The following TEX15 variants were observed in gnomAD, a reference collection of about 807,000 sequenced individuals.
The protein encoded by TEX15 is testis-expressed protein 15.
A neutral mutation model predicts 237.3 loss-of-function variants in TEX15; 171 were observed. That is an observed-to-expected ratio of 0.72 (90% CI 0.64 to 0.82). The LOEUF (loss-of-function observed/expected upper bound fraction) is 0.82. Ranked by LOEUF, TEX15 falls within the 40% of genes least tolerant of loss-of-function variation. The pLI, the probability that TEX15 is intolerant of heterozygous loss-of-function variation, is 0.00. For missense variants in TEX15, 3,750 were observed against 3,646.5 expected, an observed-to-expected ratio of 1.03 and a Z score of -0.73; for synonymous variants, 1,338 against 1,269.8, an observed-to-expected ratio of 1.05 and a Z score of -1.14.
In TEX15 at chr8:30,837,298, G is replaced by T. The variant is rs1277623893; in HGVS notation, c.8986C>A (p.Leu2996Ile). The change falls in exon 10 of 11, where the codon CTT becomes ATT. Residue 2996 changes from leucine to isoleucine, a missense_variant. Coordinates refer to ENST00000643185, the MANE Select transcript of TEX15 (RefSeq NM_001350162.2). ...TTTTTGTCATTCTGTTGTTCAGAAA[G>T]AGAGTACTCTGCTCCTTGATTCACA... ...LNVNQGAEYSLSEQQNDKNSK... is the reference protein window; with the variant it reads ...LNVNQGAEYSISEQQNDKNSK... 1.2e-6 allele frequency: 2 copies of T among 1,614,194 alleles called. No homozygotes were observed. Among genetic ancestry groups the T allele is most frequent in the Admixed American group, 1.7e-5 (1 of 60,012 alleles).
Position 30,832,373 on chromosome 8 carries a change from A to G in TEX15, c.*913T>C, listed in dbSNP as rs1807201928. 1 of 152,236 alleles carries G rather than the reference A, an allele frequency of 6.6e-6. No individual in the cohort carries two copies. Among genetic ancestry groups the G allele is most frequent in the Admixed American group, 6.5e-5 (1 of 15,274 alleles). The allele number at this position is 152,236 out of a possible 1,614,324, so 9.4% of individuals were successfully genotyped here. A position where few individuals can be genotyped will look rare whatever the true frequency, so the allele number is the denominator to read the frequency against. On this transcript the variant is annotated 3_prime_UTR_variant, in exon 11 of 11. Transcript: ENST00000643185. ...GGGCTCTGTCTGACTAGGATCTTAC[A>G]GAAAACAGGAATAGCTGTTGAGCAA...
At chr8:30,904,916 C>A (rs1809069774) in intron 1 of TEX15, among the ~76,000 whole-genome samples, 1 of 152,034 alleles carries the variant, frequency 6.6e-6, no homozygotes, top group Admixed American at 6.6e-5. Context: ...GAGTTATGCC[C>A]AGAAAAACAC....
At chr8:30,879,026 C>A (rs1406188939) in intron 3 of TEX15, among the ~76,000 whole-genome samples, 2 of 152,082 alleles carry the variant, frequency 1.3e-5, no homozygotes, top group African/African-American at 4.8e-5. Flanking sequence ...TCCTTAATGG[C>A]TATGATGTTG....
At chr8:30,841,687 T>A (rs323342) in intron 8 of TEX15, among the ~76,000 whole-genome samples, 70,226 of 152,026 alleles carry the variant, frequency 0.46, 21,238 homozygotes, top group African/African-American at 0.87. Flanking sequence ...AATATTGGTC[T>A]CTCACTCAGT....
intron 1 of TEX15, among the ~76,000 whole-genome samples, chr8:30,900,734 C>A (rs1808990719): frequency 6.6e-6 from 1 of 152,170 alleles, no homozygotes; most frequent in Non-Finnish European, 1.5e-5. Flanking sequence ...CATACAAAAT[C>A]CCTGCAATAG....
chr8:30,906,018 A>G (rs1809096523), intron 1 of TEX15, among the ~76,000 whole-genome samples: 1 of 151,346 alleles, frequency 6.6e-6, no homozygotes, highest in Admixed American at 6.5e-5. Flanking sequence ...CATACGTAAA[A>G]TGGGAAAAAA....
chr8:30,901,831 T>C (rs972209420), intron 1 of TEX15, among the ~76,000 whole-genome samples: 6 of 152,312 alleles, frequency 3.9e-5, no homozygotes, highest in Middle Eastern at 3.4e-3. Flanking sequence ...TGGAAAGGCA[T>C]AGAGCTAGAA....
chr8:30,854,096 C>T lies in TEX15; in HGVS notation c.850+4572G>A, dbSNP rs139186258. Among the ~76,000 whole-genome samples, 24 of 151,544 alleles carry T rather than the reference C, an allele frequency of 1.6e-4. No individual in the cohort carries two copies. In the East Asian group the frequency reaches 4.6e-3, roughly 29 times the overall value. ...AACCTTCCATCTTAAGACACACACA[C>T]ACGTGAAACAGCAAACTAAATCTAA... is the stretch of plus-strand genomic sequence containing the variant. On this transcript the variant is annotated intron_variant, in intron 7 of 10. Transcript: ENST00000643185.
intron 5 of TEX15, among the ~76,000 whole-genome samples, chr8:30,865,773 T>G (rs1422224644): frequency 6.6e-6 from 1 of 152,128 alleles, no homozygotes; most frequent in Admixed American, 6.5e-5. Context: ...CTCAACAAAT[T>G]GGGTACAGAA....
intron 1 of TEX15, among the ~76,000 whole-genome samples, chr8:30,899,060 C>T (rs1465779293): frequency 2.0e-5 from 3 of 152,004 alleles, no homozygotes; most frequent in Non-Finnish European, 2.9e-5. Flanking sequence ...AAGCTTTTCT[C>T]TTTTTCTTCC....
intron 5 of TEX15, 22 bp downstream of exon 5, chr8:30,867,243 A>C (rs535439299): frequency 8.5e-7 from 1 of 1,172,650 alleles, no homozygotes; most frequent in East Asian, 2.6e-5. Context: ...CATATACTTA[A>C]TATTTGTTTT....
At chr8:30,835,500 G>A (rs2720597) in intron 10 of TEX15, among the ~76,000 whole-genome samples, 97,759 of 152,114 alleles carry the variant, frequency 0.64, 36,587 homozygotes, top group East Asian at 0.9. Context: ...CTTGAGCCCA[G>A]GAGTTTGAGG....
Position 30,898,758 on chromosome 8 carries a change from C to T in TEX15, c.-26G>A, listed in dbSNP as rs1808954073. On this transcript the variant is annotated 5_prime_UTR_variant, in exon 2 of 11. Coordinates refer to ENST00000643185, the MANE Select transcript of TEX15 (RefSeq NM_001350162.2). The stretch of plus-strand genomic sequence containing the variant: ...AATACTTACCACTCTTCAATGGCAT[C>T]CAGCATTACACAGTTATAATCAGTA... The T allele has an allele frequency of 1.3e-5, 2 of 152,078 alleles. No homozygotes were observed. The allele number at this position is 152,078 out of a possible 1,614,324, so 9.4% of individuals were successfully genotyped here. A position where few individuals can be genotyped will look rare whatever the true frequency, so the allele number is the denominator to read the frequency against.
At position 30,841,336 on chromosome 8, in the gene TEX15, T is replaced by C. The variant is rs73570211; in HGVS notation, c.8163+668A>G. ...TAAGGGCTCTGGAGGCCAGACTGCC[T>C]GGTTTAGATCTGGGTGCTCCCATTT... On this transcript the variant is annotated intron_variant, in intron 8 of 10. Transcript: ENST00000643185. Among the ~76,000 whole-genome samples the C allele has an allele frequency of 8.6e-3, 1,303 of 152,322 alleles. 16 individuals are homozygous for C. Among genetic ancestry groups the C allele is most frequent in the African/African-American group, 0.03 (1,258 of 41,570 alleles).
In TEX15 at chr8:30,837,675, G is replaced by A; in HGVS notation, c.8609C>T (p.Pro2870Leu). The A allele has an allele frequency of 6.2e-7, 1 of 1,613,872 alleles. No individual in the cohort carries two copies. Among genetic ancestry groups the A allele is most frequent in the Non-Finnish European group, 8.5e-7 (1 of 1,179,934 alleles). ...LQKFLKNSPD[P>L]TQKSCLSDIN... ...ATCAGAAAGGCAGGATTTTTGGGTG[G>A]GATCTGGGGAATTTTTAAGAAATTT... Residue 2870 changes from proline (P) to leucine (L), a missense_variant, in exon 10 of 11, where the codon CCC becomes CTC. By Grantham distance (98) the Pro-to-Leu change is moderately conservative. Transcript: ENST00000643185.
intron 1 of TEX15, among the ~76,000 whole-genome samples, chr8:30,910,113 T>A (rs1809188316): frequency 6.6e-6 from 1 of 152,112 alleles, no homozygotes; most frequent in Admixed American, 6.6e-5. Flanking sequence ...AAATCATGAT[T>A]GTTTTCTCTA....
chr8:30,881,695 C>CACTGCA (rs1808530588), intron 3 of TEX15, among the ~76,000 whole-genome samples: 1 of 145,716 alleles, frequency 6.9e-6, no homozygotes, highest in Non-Finnish European at 1.5e-5. Flanking sequence ...GATCTTGGCT[C>CACTGCA]ACTGCAACCT....
At chr8:30,875,588 G>A (rs1563263215) in intron 3 of TEX15, among the ~76,000 whole-genome samples, 1 of 152,236 alleles carries the variant, frequency 6.6e-6, no homozygotes, top group Non-Finnish European at 1.5e-5. Context: ...TCTTAGGACA[G>A]TGAGCATCTC....
At chr8:30,855,543 A>G (rs533814449) in intron 7 of TEX15, among the ~76,000 whole-genome samples, 1 of 152,194 alleles carries the variant, frequency 6.6e-6, no homozygotes, top group Non-Finnish European at 1.5e-5. Context: ...CAGTTCCTTG[A>G]TTAGTTACTA....
Sources: gnomAD v4.1 joint callset for allele counts (sites outside exome capture counted in the v4.1 genomes callset) on GRCh38, gnomAD v4.1.1 for gene constraint, MANE v1.5 for transcripts, NCBI Gene and HGNC (gene_info 2026-07-23, HGNC 2026-07-21) for gene names.